NT5DC1: variants seen among roughly 807,000 people sequenced by gnomAD.
NT5DC1 encodes the protein 5'-nucleotidase domain-containing protein 1.
A neutral mutation model predicts 59.4 loss-of-function variants in NT5DC1; 42 were observed. The observed-to-expected ratio is 0.71, with a 90% CI of 0.55 to 0.92. The LOEUF (loss-of-function observed/expected upper bound fraction) is 0.92, where lower values mean the gene tolerates loss of function less well. Ranked by LOEUF, NT5DC1 falls within the 40% of genes least tolerant of loss-of-function variation. The pLI is 0.00. For missense variants in NT5DC1, 501 were observed against 537.1 expected (o/e 0.93, Z 0.66); for synonymous variants, 172 against 188.1 (o/e 0.91, Z 0.70).
At chr6:116,224,729 A>C (rs997142686) in intron 8 of NT5DC1, among the ~76,000 whole-genome samples, 1 of 152,324 alleles carries the variant, frequency 6.6e-6, no homozygotes, top group Non-Finnish European at 1.5e-5. Context: ...GAAGTTAGGG[A>C]GGCAGGCACC....
chr6:116,228,246 C>T (rs1343674265), intron 8 of NT5DC1, among the ~76,000 whole-genome samples: 1 of 152,134 alleles, frequency 6.6e-6, no homozygotes, highest in Non-Finnish European at 1.5e-5. Context: ...CGGTGGCTCA[C>T]GCCTGTAATC....
At chr6:116,212,328 A>C (rs1340410497) in intron 6 of NT5DC1, among the ~76,000 whole-genome samples, 1 of 152,118 alleles carries the variant, frequency 6.6e-6, no homozygotes, top group East Asian at 1.9e-4. Context: ...TGCCTCATTA[A>C]AATAGCTGCT....
intron 6 of NT5DC1, among the ~76,000 whole-genome samples, chr6:116,127,317 A>C (rs971655135): frequency 1.3e-5 from 2 of 152,154 alleles, no homozygotes; most frequent in Non-Finnish European, 2.9e-5. Flanking sequence ...ATAGCCCTTT[A>C]TGGAAATGTA....
intron 6 of NT5DC1, among the ~76,000 whole-genome samples, chr6:116,180,543 C>CAGA: frequency 6.6e-6 from 1 of 152,166 alleles, no homozygotes; most frequent in South Asian, 2.1e-4. Flanking sequence ...ATTGCTTAAT[C>CAGA]TTATCACAAA....
intron 6 of NT5DC1, among the ~76,000 whole-genome samples, chr6:116,168,278 C>T (rs1780522624): frequency 6.6e-6 from 1 of 151,678 alleles, no homozygotes; most frequent in African/African-American, 2.4e-5. Context: ...TGATCTTTCA[C>T]CTTCTCTCTT....
intron 6 of NT5DC1, among the ~76,000 whole-genome samples, chr6:116,209,038 G>C (rs1204781): frequency 0.43 from 64,650 of 151,818 alleles, 17,726 homozygotes; most frequent in African/African-American, 0.78. Flanking sequence ...GACTGCATAG[G>C]CTTTAAACAA....
chr6:116,149,409 C>A lies in NT5DC1; in HGVS notation c.529+31464C>A, dbSNP rs1271198188. Among the ~76,000 whole-genome samples the A allele has an allele frequency of 2.6e-5, 4 of 152,124 alleles. No individual in the cohort carries two copies. The East Asian group carries it at 7.7e-4, about 29-fold the overall frequency. ...GTGTGTCTTTACCAAACTGGCTCTG[C>A]ATTTTTAGGATTATGATTTTCTAAA... On this transcript the variant is annotated intron_variant, in intron 6 of 11. Coordinates refer to ENST00000319550, the MANE Select transcript of NT5DC1 (RefSeq NM_152729.3).
chr6:116,158,922 A>T (rs377230472), intron 6 of NT5DC1, among the ~76,000 whole-genome samples: 35 of 152,230 alleles, frequency 2.3e-4, no homozygotes, highest in African/African-American at 8.4e-4. Context: ...GCAGATGGGG[A>T]TTGGGGAATT....
intron 6 of NT5DC1, among the ~76,000 whole-genome samples, chr6:116,136,282 G>A (rs143157357): frequency 6.6e-6 from 1 of 152,080 alleles, no homozygotes; most frequent in Non-Finnish European, 1.5e-5. Context: ...TCTTTTTTAA[G>A]GCTGAATAAT....
Position 116,186,060 on chromosome 6 carries a change from T to C in NT5DC1, c.530-34994T>C, listed in dbSNP as rs1408177072. 5.9e-5 allele frequency among the ~76,000 whole-genome samples: 9 copies of C among 152,182 alleles called. No individual in the cohort carries two copies. The East Asian group carries it at 1.7e-3, about 29-fold the overall frequency. On this transcript the variant is annotated intron_variant, in intron 6 of 11. Transcript: ENST00000319550. ...CTTATAGTGGTTCTTGTAGTTCTCTTTTGGTAATGGCAAATTCTCGCAGCA... is the reference window on the plus strand; with the variant it reads ...CTTATAGTGGTTCTTGTAGTTCTCTCTTGGTAATGGCAAATTCTCGCAGCA...
chr6:116,164,863 C>A (rs1780425196), intron 6 of NT5DC1, among the ~76,000 whole-genome samples: 1 of 152,054 alleles, frequency 6.6e-6, no homozygotes, highest in East Asian at 1.9e-4. Flanking sequence ...GCAGGCAGAT[C>A]ATAAGGTCAG....
chr6:116,110,633 A>AT, intron 3 of NT5DC1: 2 of 635,944 alleles, frequency 3.1e-6, no homozygotes, highest in Non-Finnish European at 2.9e-6. Context: ...GTATCTCCTA[A>AT]TCACCTGCTA....
intron 6 of NT5DC1, among the ~76,000 whole-genome samples, chr6:116,215,782 G>T (rs894764790): frequency 2.0e-5 from 3 of 152,078 alleles, no homozygotes; most frequent in Non-Finnish European, 4.4e-5. Flanking sequence ...AATATGGCGT[G>T]GTGGGATTGT....
intron 4 of NT5DC1, among the ~76,000 whole-genome samples, chr6:116,111,463 A>G (rs1778873518): frequency 6.6e-6 from 1 of 152,224 alleles, no homozygotes; most frequent in African/African-American, 2.4e-5. Flanking sequence ...ATGGGTAAAC[A>G]TGAAATGATT....
intron 2 of NT5DC1, among the ~76,000 whole-genome samples, chr6:116,107,990 A>ATG (rs59382013): frequency 0.015 from 2,209 of 150,542 alleles, 33 homozygotes; most frequent in South Asian, 0.049. Flanking sequence ...TAGAATATAA[A>ATG]TGTGTGTGTG....
chr6:116,246,176 G>C lies in NT5DC1; in HGVS notation c.*2152G>C, dbSNP rs1201170103. The C allele has an allele frequency of 6.6e-6, 1 of 152,128 alleles. No individual in the cohort carries two copies. Among genetic ancestry groups the C allele is most frequent in the Non-Finnish European group, 1.5e-5 (1 of 67,994 alleles). 9.4% of individuals were successfully genotyped at this position (152,128 alleles called of 1,614,324 possible). On this transcript the variant is annotated 3_prime_UTR_variant, in exon 12 of 12. Transcript: ENST00000319550. ...AATTGTATAAATGGACAGAAGACAT[G>C]TAATATTCGCATACAGGCAAACATT...
intron 6 of NT5DC1, among the ~76,000 whole-genome samples, chr6:116,162,468 T>G (rs558490797): frequency 1.4e-4 from 22 of 152,332 alleles, no homozygotes; most frequent in Middle Eastern, 3.4e-3. Flanking sequence ...CTAGTTTATT[T>G]ATAATTTTTA....
Position 116,246,527 on chromosome 6 carries a change from T to A in NT5DC1, c.*2503T>A, listed in dbSNP as rs1037722100. 11 of 151,524 alleles carry A rather than the reference T, an allele frequency of 7.3e-5. No homozygotes were observed. The highest frequency in any genetic ancestry group is 1.5e-4 in the Non-Finnish European group (10 of 67,900). The allele number at this position is 151,524 out of a possible 1,614,324, so 9.4% of individuals were successfully genotyped here. A position where few individuals can be genotyped will look rare whatever the true frequency, so the allele number is the denominator to read the frequency against. ...GAACTGGTTTGAATGAAAATAAATT[T>A]ATATAATTATTTTATATAACAAATC... On this transcript the variant is annotated 3_prime_UTR_variant, in exon 12 of 12. Coordinates refer to ENST00000319550, the MANE Select transcript of NT5DC1 (RefSeq NM_152729.3).
At chr6:116,129,008 G>T (rs890683104) in intron 6 of NT5DC1, among the ~76,000 whole-genome samples, 15 of 152,008 alleles carry the variant, frequency 9.9e-5, no homozygotes, top group African/African-American at 3.6e-4. Flanking sequence ...ATCTCAACTC[G>T]CTGTCACTCA....
Sources: allele counts gnomAD v4.1 joint callset (sites outside exome capture counted in the v4.1 genomes callset), GRCh38; gene constraint gnomAD v4.1.1; transcripts MANE v1.5; gene names NCBI Gene and HGNC (gene_info 2026-07-23, HGNC 2026-07-21).